Variants in RHOBTB3 observed in about 807,000 individuals in gnomAD.
RHOBTB3 encodes rho-related BTB domain-containing protein 3.
RHOBTB3 carries 47 observed loss-of-function variants against 67.2 expected under a neutral mutation model. The ratio of observed to expected loss-of-function variants is 0.70; its 90% CI spans 0.55 to 0.89. The LOEUF (loss-of-function observed/expected upper bound fraction) is 0.89. Ranked by LOEUF, RHOBTB3 falls within the 40% of genes least tolerant of loss-of-function variation. The pLI is 0.00. For missense variants in RHOBTB3, 631 were observed against 750.0 expected, an observed-to-expected ratio of 0.84 and a Z score of 1.85; for synonymous variants, 273 against 274.2, an observed-to-expected ratio of 1.00 and a Z score of 0.04.
At chr5:95,741,987 C>T (rs572516432) in intron 3 of RHOBTB3, among the ~76,000 whole-genome samples, 8 of 152,218 alleles carry the variant, frequency 5.3e-5, no homozygotes, top group African/African-American at 1.9e-4. Flanking sequence ...TCCATATTTG[C>T]TTGCAGGGAG....
chr5:95,752,162 G>A (rs1745109165), intron 4 of RHOBTB3, 77 bp from the exon 5 acceptor site: 2 of 834,104 alleles, frequency 2.4e-6, no homozygotes, highest in Admixed American at 2.4e-5. Context: ...TTTGACAATT[G>A]TGACTTCAGA....
intron 1 of RHOBTB3, chr5:95,719,906 C>G (rs1388758035): frequency 2.0e-5 from 3 of 152,132 alleles, no homozygotes; most frequent in African/African-American, 7.2e-5. Context: ...TTTATAGACA[C>G]AAAACATCCT....
chr5:95,790,544 GTATGT>G (rs1223985998), intron 11 of RHOBTB3, among the ~76,000 whole-genome samples: 4 of 152,194 alleles, frequency 2.6e-5, no homozygotes, highest in Non-Finnish European at 5.9e-5. Flanking sequence ...TACCTATAAA[GTATGT>G]TATGACACCT....
At chr5:95,779,777 G>A (rs1200904504) in intron 8 of RHOBTB3, among the ~76,000 whole-genome samples, 3 of 152,110 alleles carry the variant, frequency 2.0e-5, no homozygotes, top group South Asian at 2.1e-4. Context: ...TGTGGTGTAC[G>A]GACAGCTTAT....
Position 95,794,155 on chromosome 5 carries a change from T to A in RHOBTB3, c.*981T>A. Reference sequence around the variant, plus strand: ...CTTGGCTGGCAAGGGAGAAATGTGTTGTGTTGTCTTAGCTTTAAAACAGTC... The same window carrying A: ...CTTGGCTGGCAAGGGAGAAATGTGTAGTGTTGTCTTAGCTTTAAAACAGTC... On this transcript the variant is annotated 3_prime_UTR_variant, in exon 12 of 12. Transcript: ENST00000379982. 2.4e-6 allele frequency: 1 copy of A among 409,674 alleles called. No homozygotes were observed. Among genetic ancestry groups the A allele is most frequent in the South Asian group, 1.8e-5 (1 of 56,746 alleles). 25.4% of individuals were successfully genotyped at this position (409,674 alleles called of 1,614,324 possible).
chr5:95,730,042 G>T (rs1755173808), upstream of RHOBTB3, among the ~76,000 whole-genome samples: 1 of 151,574 alleles, frequency 6.6e-6, no homozygotes, highest in East Asian at 1.9e-4. Context: ...AGGTTCTAGA[G>T]ACTCAAAGAG....
At chr5:95,773,678 C>T (rs1475378806) in intron 8 of RHOBTB3, among the ~76,000 whole-genome samples, 2 of 152,212 alleles carry the variant, frequency 1.3e-5, no homozygotes, top group African/African-American at 4.8e-5. Context: ...TTTGATTCTT[C>T]TTGCACTACT....
At chr5:95,731,080 C>A, upstream of RHOBTB3, 1 of 1,082,190 alleles carries the variant, frequency 9.2e-7, no homozygotes, top group Non-Finnish European at 1.1e-6. Context: ...TTGCTGCAGG[C>A]GGATTGGCGG....
chr5:95,730,034 G>T (rs1044451926), upstream of RHOBTB3, among the ~76,000 whole-genome samples: 4 of 151,734 alleles, frequency 2.6e-5, no homozygotes, highest in Non-Finnish European at 5.9e-5. Flanking sequence ...GATGGTTTAG[G>T]TTCTAGAGAC....
intron 10 of RHOBTB3, 71 bp downstream of exon 10, chr5:95,784,034 T>C (rs958419143): frequency 4.0e-6 from 5 of 1,260,632 alleles, no homozygotes; most frequent in Non-Finnish European, 5.3e-6. Flanking sequence ...ATTTTAAAAT[T>C]TATCATTTTT....
intron 6 of RHOBTB3, among the ~76,000 whole-genome samples, chr5:95,757,399 G>A (rs1010238880): frequency 1.2e-4 from 19 of 152,098 alleles, no homozygotes; most frequent in African/African-American, 3.9e-4. Flanking sequence ...TTAGGCTAAG[G>A]TCACTCCTGC....
chr5:95,777,501 C>G (rs1036083999), intron 8 of RHOBTB3, among the ~76,000 whole-genome samples: 2 of 152,118 alleles, frequency 1.3e-5, no homozygotes, highest in Non-Finnish European at 2.9e-5. Context: ...ATAGTTTGGC[C>G]TTGACAGTTT....
At position 95,764,310 on chromosome 5, in the gene RHOBTB3, T is replaced by C. The variant is rs187487615; in HGVS notation, c.1161+690T>C. On this transcript the variant is annotated intron_variant, in intron 7 of 11. Transcript: ENST00000379982. ...GGGTGCCTTCTCACTCCTCACAATT[T>C]AAGTCTCAAATAGTTTTTGAGAGGA... Among the ~76,000 whole-genome samples the C allele has an allele frequency of 3.8e-3, 572 of 152,338 alleles. 5 individuals are homozygous for C. Among genetic ancestry groups the C allele is most frequent in the Non-Finnish European group, 4.5e-3 (308 of 68,032 alleles).
At position 95,793,681 on chromosome 5, in the gene RHOBTB3, T is replaced by C. The variant is rs988764100; in HGVS notation, c.*507T>C. 12 of 198,870 alleles carry C rather than the reference T, an allele frequency of 6.0e-5. No homozygotes were observed. Among genetic ancestry groups the C allele is most frequent in the Middle Eastern group, 2.4e-3 (1 of 422 alleles). The allele number at this position is 198,870 out of a possible 1,614,324, so 12.3% of individuals were successfully genotyped here. Reference sequence around the variant, plus strand: ...TTTGGAAAGTGAAATGCCACTTAGTTCTCAATTGATGACAGTGTTTGAATC... The same window carrying C: ...TTTGGAAAGTGAAATGCCACTTAGTCCTCAATTGATGACAGTGTTTGAATC... On this transcript the variant is annotated 3_prime_UTR_variant, in exon 12 of 12. Transcript: ENST00000379982.
intron 3 of RHOBTB3, among the ~76,000 whole-genome samples, chr5:95,745,001 A>T (rs1272467472): frequency 6.6e-6 from 1 of 151,946 alleles, no homozygotes; most frequent in African/African-American, 2.4e-5. Context: ...AGCCTGGGGG[A>T]GGCAGAGGTT....
At position 95,731,358 on chromosome 5, in the gene RHOBTB3, C is replaced by A. The variant is rs1048736179; in HGVS notation, c.-325C>A. 8.8e-7 allele frequency: 1 copy of A among 1,134,736 alleles called. No individual in the cohort carries two copies. The highest frequency in any genetic ancestry group is 1.1e-6 in the Non-Finnish European group (1 of 928,986). The allele number at this position is 1,134,736 out of a possible 1,614,324, so 70.3% of individuals were successfully genotyped here. A position where few individuals can be genotyped will look rare whatever the true frequency, so the allele number is the denominator to read the frequency against. ...GGCAGCAGGAGGCGACAGCTGCCAG[C>A]CGAGGAGGCGCGGCGGAGAGGGGAC... On this transcript the variant is annotated 5_prime_UTR_variant, in exon 1 of 12. Coordinates refer to ENST00000379982, the MANE Select transcript of RHOBTB3 (RefSeq NM_014899.4).
chr5:95,753,677 C>T (rs948289620), intron 5 of RHOBTB3, among the ~76,000 whole-genome samples: 1 of 152,246 alleles, frequency 6.6e-6, no homozygotes, highest in African/African-American at 2.4e-5. Context: ...GGCCTTAAAT[C>T]CTTTCTGGAT....
intron 8 of RHOBTB3, among the ~76,000 whole-genome samples, chr5:95,776,777 T>C (rs1241374150): frequency 6.6e-6 from 1 of 152,212 alleles, no homozygotes; most frequent in East Asian, 1.9e-4. Flanking sequence ...AAAATAGGGA[T>C]ACTAATTCCG....
chr5:95,765,037 C>T (rs1007838206), intron 7 of RHOBTB3, among the ~76,000 whole-genome samples: 17 of 152,028 alleles, frequency 1.1e-4, no homozygotes, highest in African/African-American at 4.1e-4. Context: ...ATCTAGTTGT[C>T]TTGATTAACT....
Sources: gnomAD v4.1 joint callset for allele counts (sites outside exome capture counted in the v4.1 genomes callset) on GRCh38, gnomAD v4.1.1 for gene constraint, MANE v1.5 for transcripts, NCBI Gene and HGNC (gene_info 2026-07-23, HGNC 2026-07-21) for gene names.